Variants in DACH1 observed in about 807,000 individuals in gnomAD.
DACH1 encodes dachshund homolog 1.
DACH1 carries 12 observed loss-of-function variants against 54.2 expected under a neutral mutation model. That is an observed-to-expected ratio of 0.22 (90% CI 0.14 to 0.36). The LOEUF (loss-of-function observed/expected upper bound fraction) is 0.36. Among genes scored for constraint, DACH1 ranks in the 10% least tolerant of loss-of-function variants. The probability of loss-of-function intolerance (pLI) is 1.00; values close to 1 mark genes in which losing one functional copy is unlikely to be tolerated. For synonymous variants in DACH1, 386 were observed against 366.2 expected (o/e 1.05, Z -0.62); for missense variants, 805 against 929.8 (o/e 0.87, Z 1.75).
chr13:71,795,459 C>T (rs144348160), intron 1 of DACH1, among the ~76,000 whole-genome samples: 1 of 152,248 alleles, frequency 6.6e-6, no homozygotes, highest in African/African-American at 2.4e-5. Flanking sequence ...CTAAGGCTCT[C>T]CATCTCTTCG....
intron 1 of DACH1, among the ~76,000 whole-genome samples, chr13:71,691,351 G>A (rs1036546115): frequency 1.3e-4 from 20 of 152,168 alleles, no homozygotes; most frequent in African/African-American, 4.8e-4. Flanking sequence ...TACTGCCAGG[G>A]ATTGTGCTAA....
chr13:71,472,090 A>G (rs1354539243), intron 10 of DACH1, among the ~76,000 whole-genome samples: 1 of 152,194 alleles, frequency 6.6e-6, no homozygotes, highest in Non-Finnish European at 1.5e-5. Flanking sequence ...GACATAAGGC[A>G]TAAGAGAGTT....
At chr13:71,731,146 C>T (rs1434912394) in intron 1 of DACH1, among the ~76,000 whole-genome samples, 2 of 151,942 alleles carry the variant, frequency 1.3e-5, no homozygotes, top group Non-Finnish European at 2.9e-5. Context: ...TCTTCAAGAG[C>T]CAGTCGTGTT....
chr13:71,759,488 A>C (rs1398735697), intron 1 of DACH1, among the ~76,000 whole-genome samples: 1 of 152,218 alleles, frequency 6.6e-6, no homozygotes, highest in African/African-American at 2.4e-5. Flanking sequence ...TAAAGTAAAC[A>C]ATTTTTAACT....
chr13:71,770,710 G>GT (rs1350691750), intron 1 of DACH1, among the ~76,000 whole-genome samples: 37 of 151,482 alleles, frequency 2.4e-4, no homozygotes, highest in Non-Finnish European at 2.1e-4. Context: ...TTTTCATTAA[G>GT]TTTTTTTGCC....
Position 71,475,289 on chromosome 13 carries a change from C to T in DACH1, c.2015-80G>A. ...TTTAAAAAAAAAGAGCAACCTGTTA[C>T]TTTGGTGCTGAATTAAAATTACGTA... On this transcript the variant is annotated intron_variant, in intron 9 of 10. Transcript: ENST00000613252. 3 of 1,137,938 alleles carry T rather than the reference C, an allele frequency of 2.6e-6. No homozygotes were observed. In the East Asian group the frequency reaches 7.1e-5, roughly 27 times the overall value. The allele number at this position is 1,137,938 out of a possible 1,614,324, so 70.5% of individuals were successfully genotyped here. A position where few individuals can be genotyped will look rare whatever the true frequency, so the allele number is the denominator to read the frequency against.
chr13:71,702,580 TAGAG>T (rs1336980064), intron 1 of DACH1, among the ~76,000 whole-genome samples: 1 of 152,074 alleles, frequency 6.6e-6, no homozygotes, highest in East Asian at 1.9e-4. Flanking sequence ...TGTATAATAA[TAGAG>T]ATTTATTGAG....
chr13:71,528,409 C>A (rs1882155707), intron 6 of DACH1, among the ~76,000 whole-genome samples: 1 of 146,194 alleles, frequency 6.8e-6, no homozygotes, highest in Non-Finnish European at 1.5e-5. Flanking sequence ...ATTTTAGAAA[C>A]GGAAAAACAG....
chr13:71,550,012 A>G (rs1218037707), intron 6 of DACH1, among the ~76,000 whole-genome samples: 1 of 152,164 alleles, frequency 6.6e-6, no homozygotes, highest in Non-Finnish European at 1.5e-5. Flanking sequence ...TTTTTCCTCC[A>G]AAACTGTACA....
chr13:71,530,374 T>C (rs556667422), intron 6 of DACH1, among the ~76,000 whole-genome samples: 2 of 152,218 alleles, frequency 1.3e-5, no homozygotes, highest in African/African-American at 2.4e-5. Context: ...ATGGTAATGA[T>C]TATTTTAAAA....
At chr13:71,540,544 A>T (rs1347273599) in intron 6 of DACH1, among the ~76,000 whole-genome samples, 2 of 152,120 alleles carry the variant, frequency 1.3e-5, no homozygotes, top group East Asian at 3.9e-4. Flanking sequence ...GATGGATATT[A>T]TATGTGGGTT....
chr13:71,607,991 C>A (rs371076663), intron 3 of DACH1, among the ~76,000 whole-genome samples: 12 of 151,654 alleles, frequency 7.9e-5, no homozygotes, highest in African/African-American at 2.4e-4. Flanking sequence ...TACTCTGTAA[C>A]AATTTCCATA....
intron 1 of DACH1, among the ~76,000 whole-genome samples, chr13:71,757,420 C>T (rs1052630928): frequency 4.6e-5 from 7 of 151,992 alleles, no homozygotes; most frequent in Admixed American, 1.3e-4. Flanking sequence ...GAACAAATCA[C>T]TTAACCTCTG....
chr13:71,597,012 TAA>T (rs1217920792), intron 3 of DACH1, among the ~76,000 whole-genome samples: 3 of 152,300 alleles, frequency 2.0e-5, no homozygotes, highest in African/African-American at 7.2e-5. Context: ...TAATTAAATA[TAA>T]GTCTAAATCA....
chr13:71,583,663 G>A (rs1873008429), intron 3 of DACH1, among the ~76,000 whole-genome samples: 1 of 151,844 alleles, frequency 6.6e-6, no homozygotes, highest in Admixed American at 6.6e-5. Context: ...GGCAACATGG[G>A]GAAACCGTCT....
At position 71,726,218 on chromosome 13, in the gene DACH1, A is replaced by G. The variant is rs573604026; in HGVS notation, c.849-44308T>C. 2.9e-4 allele frequency among the ~76,000 whole-genome samples: 44 copies of G among 152,260 alleles called. No individual in the cohort carries two copies. In the South Asian group the frequency reaches 7.1e-3, roughly 24 times the overall value. On this transcript the variant is annotated intron_variant, in intron 1 of 10. Transcript: ENST00000613252. ...CGAATAGACCGCATGTTGAAGCCCT[A>G]TAAGTTTGTTTCATTAATAGGGGAA...
chr13:71,606,995 A>G (rs1034619640), intron 3 of DACH1, among the ~76,000 whole-genome samples: 1 of 152,010 alleles, frequency 6.6e-6, no homozygotes, highest in African/African-American at 2.4e-5. Context: ...TTTTGTTCCA[A>G]CAACACTCAT....
At chr13:71,793,161 G>A (rs1886904391) in intron 1 of DACH1, among the ~76,000 whole-genome samples, 1 of 152,106 alleles carries the variant, frequency 6.6e-6, no homozygotes. Context: ...ATATAGTTAA[G>A]CAGAAATTGT....
intron 1 of DACH1, among the ~76,000 whole-genome samples, chr13:71,839,238 C>T (rs1251256414): frequency 2.0e-5 from 3 of 152,114 alleles, no homozygotes; most frequent in Admixed American, 2.0e-4. Context: ...AAAATCAGTG[C>T]TTTTAATATC....
Sources: allele counts gnomAD v4.1 joint callset (sites outside exome capture counted in the v4.1 genomes callset), GRCh38; gene constraint gnomAD v4.1.1; transcripts MANE v1.5; gene names NCBI Gene and HGNC (gene_info 2026-07-23, HGNC 2026-07-21).